The following RAD51B variants were observed in gnomAD, a reference collection of about 807,000 sequenced individuals.
The protein encoded by RAD51B is DNA repair protein RAD51 homolog 2.
Under a neutral mutation model 42.2 loss-of-function variants are expected in RAD51B, and 38 were observed. That is an observed-to-expected ratio of 0.90 (90% CI 0.70 to 1.18). The LOEUF is 1.18. Among genes scored for constraint, RAD51B ranks in the 50% most tolerant of loss-of-function variants. The probability of loss-of-function intolerance (pLI) is 0.00; values close to 1 mark genes in which losing one functional copy is unlikely to be tolerated. For missense variants in RAD51B, 373 were observed against 400.7 expected (o/e 0.93, Z 0.59); for synonymous variants, 154 against 145.2 (o/e 1.06, Z -0.43).
At chr14:68,674,005 C>A (rs1291948190) in intron 11 of RAD51B, among the ~76,000 whole-genome samples, 3 of 151,928 alleles carry the variant, frequency 2.0e-5, no homozygotes, top group Admixed American at 2.0e-4. Context: ...ATATATACAT[C>A]CACACATGTA....
At position 68,363,061 on chromosome 14, in the gene RAD51B, C is replaced by G. The variant is rs1425575340; in HGVS notation, c.854-48363C>G. ...ATAGGCGGAGCCTTTGTGCACTGAA[C>G]CCAGCTACTTTCAAATCGCAGTACT... On this transcript the variant is annotated intron_variant, in intron 8 of 10. Transcript: ENST00000471583. Among the ~76,000 whole-genome samples, 3 of 152,136 alleles carry G rather than the reference C, an allele frequency of 2.0e-5. No individual in the cohort carries two copies. In the East Asian group the frequency reaches 5.8e-4, roughly 29 times the overall value.
At chr14:68,314,314 C>G (rs1003220100) in intron 8 of RAD51B, among the ~76,000 whole-genome samples, 24 of 152,116 alleles carry the variant, frequency 1.6e-4, no homozygotes, top group African/African-American at 4.8e-4. Flanking sequence ...ATTCTGATCC[C>G]TCTTCCTGCC....
intron 7 of RAD51B, among the ~76,000 whole-genome samples, chr14:67,909,047 A>C (rs8006437): frequency 0.27 from 41,753 of 152,096 alleles, 7,469 homozygotes; most frequent in African/African-American, 0.51. Flanking sequence ...ATGGAATACA[A>C]GCTTGTGTAT....
At chr14:68,059,608 C>T (rs2140437358) in intron 7 of RAD51B, among the ~76,000 whole-genome samples, 1 of 152,322 alleles carries the variant, frequency 6.6e-6, no homozygotes, top group Admixed American at 6.5e-5. Context: ...CTTTTTAAAA[C>T]TTAGGTCATA....
chr14:68,344,633 C>A (rs866519295), intron 8 of RAD51B, among the ~76,000 whole-genome samples: 2 of 121,018 alleles, frequency 1.7e-5, no homozygotes, highest in African/African-American at 6.3e-5. Flanking sequence ...GGCGACAGAG[C>A]GAGACTCCGT....
At chr14:68,250,575 A>G (rs907230129) in intron 7 of RAD51B, among the ~76,000 whole-genome samples, 3 of 152,214 alleles carry the variant, frequency 2.0e-5, no homozygotes, top group African/African-American at 7.2e-5. Flanking sequence ...TGGTAGTGCT[A>G]TTATTGTTTT....
chr14:68,291,923 G>T lies in RAD51B; in HGVS notation c.796G>T (p.Ala266Ser). 4 of 1,613,936 alleles carry T rather than the reference G, an allele frequency of 2.5e-6. No homozygotes were observed. Among genetic ancestry groups the T allele is most frequent in the Non-Finnish European group, 3.4e-6 (4 of 1,179,868 alleles). ...TNQITTHLSG[A>S]LASQADLVSP... ...TCAGATTACAACCCATCTGAGTGGA[G>T]CCCTGGCTTCTCAGGCAGACCTGGT... The change falls in exon 8 of 11, where the codon GCC becomes TCC. Residue 266 changes from alanine (A) to serine (S), a missense_variant. Ala to Ser is a moderately conservative substitution (Grantham distance 99). Transcript: ENST00000471583.
intron 10 of RAD51B, among the ~76,000 whole-genome samples, chr14:68,586,129 C>T (rs909617942): frequency 5.9e-5 from 9 of 152,086 alleles, no homozygotes; most frequent in African/African-American, 1.7e-4. Flanking sequence ...TGAAAAACTG[C>T]AATCAGAACT....
At chr14:68,544,702 G>T (rs1888133038) in intron 10 of RAD51B, among the ~76,000 whole-genome samples, 1 of 152,208 alleles carries the variant, frequency 6.6e-6, no homozygotes, top group South Asian at 2.1e-4. Flanking sequence ...AGTCAACAAT[G>T]ATCTAGGTAA....
chr14:68,215,936 T>C (rs2079805536), intron 7 of RAD51B, among the ~76,000 whole-genome samples: 1 of 152,234 alleles, frequency 6.6e-6, no homozygotes, highest in African/African-American at 2.4e-5. Flanking sequence ...TTTCATATTC[T>C]GTTTATTCTT....
chr14:68,171,293 T>G (rs57745459), intron 7 of RAD51B, among the ~76,000 whole-genome samples: 2,269 of 152,248 alleles, frequency 0.015, 54 homozygotes, highest in African/African-American at 0.051. Flanking sequence ...TCCTATTTTT[T>G]TTTGTTTGTT....
chr14:68,223,499 T>G (rs2079971818), intron 7 of RAD51B, among the ~76,000 whole-genome samples: 1 of 152,208 alleles, frequency 6.6e-6, no homozygotes, highest in Non-Finnish European at 1.5e-5. Flanking sequence ...TCAGTTTATT[T>G]GTGAGATTGT....
At chr14:68,340,738 T>C (rs2082555503) in intron 8 of RAD51B, among the ~76,000 whole-genome samples, 1 of 152,218 alleles carries the variant, frequency 6.6e-6, no homozygotes, top group Admixed American at 6.5e-5. Flanking sequence ...CACTCAGAGG[T>C]TGAAGGGGAG....
chr14:68,420,410 A>G (rs2084668723), intron 9 of RAD51B, among the ~76,000 whole-genome samples: 1 of 152,104 alleles, frequency 6.6e-6, no homozygotes, highest in South Asian at 2.1e-4. Context: ...CAACCCGAAG[A>G]GCTGCTGGCT....
intron 8 of RAD51B, among the ~76,000 whole-genome samples, chr14:68,396,787 A>G (rs1006476073): frequency 6.6e-6 from 1 of 152,244 alleles, no homozygotes; most frequent in Non-Finnish European, 1.5e-5. Context: ...GAATATTATA[A>G]TTTAATGAGG....
chr14:68,573,323 A>C (rs1328936355), intron 10 of RAD51B, among the ~76,000 whole-genome samples: 1 of 151,992 alleles, frequency 6.6e-6, no homozygotes, highest in Non-Finnish European at 1.5e-5. Flanking sequence ...ACTCGGCTGC[A>C]CTGGACTCCT....
chr14:68,382,284 C>T (rs2083494702), intron 8 of RAD51B, among the ~76,000 whole-genome samples: 2 of 152,122 alleles, frequency 1.3e-5, no homozygotes, highest in Admixed American at 1.3e-4. Flanking sequence ...TTTGTGACAA[C>T]CAAAAATGTC....
chr14:68,121,839 G>A (rs1388847009), intron 7 of RAD51B, among the ~76,000 whole-genome samples: 2 of 152,038 alleles, frequency 1.3e-5, no homozygotes, highest in Non-Finnish European at 2.9e-5. Context: ...TTTGTAAAAT[G>A]TATTAAGCTA....
In RAD51B at chr14:68,305,387, C is replaced by G. The variant is rs140966963; in HGVS notation, c.853+13407C>G. 3.9e-5 allele frequency among the ~76,000 whole-genome samples: 6 copies of G among 152,286 alleles called. No individual in the cohort carries two copies. In the East Asian group the frequency reaches 1.2e-3, roughly 29 times the overall value. ...CATAAAGGCTAATTCTAGTGTTTTT[C>G]AGTTTTATCTGGTTGGAACCCTAGA... On this transcript the variant is annotated intron_variant, in intron 8 of 10. Coordinates refer to ENST00000471583, the MANE Select transcript of RAD51B (RefSeq NM_133510.4).
Sources: gnomAD v4.1 joint callset for allele counts (sites outside exome capture counted in the v4.1 genomes callset) on GRCh38, gnomAD v4.1.1 for gene constraint, MANE v1.5 for transcripts, NCBI Gene and HGNC (gene_info 2026-07-23, HGNC 2026-07-21) for gene names.